The following SHISA9 variants were observed in gnomAD, a reference collection of about 807,000 sequenced individuals.
SHISA9 encodes shisa family member 9.
A neutral mutation model predicts 38.0 loss-of-function variants in SHISA9; 13 were observed. That is an observed-to-expected ratio of 0.34 (90% CI 0.22 to 0.54). SHISA9 has a LOEUF of 0.54. SHISA9 is among the 20% of genes least tolerant of loss of function. SHISA9 has a pLI of 0.91. For synonymous variants in SHISA9, 275 were observed against 242.0 expected (o/e 1.14, Z -1.27); for missense variants, 538 against 575.8 (o/e 0.93, Z 0.67).
chr16:13,012,959 T>C (rs557241323), intron 2 of SHISA9, among the ~76,000 whole-genome samples: 1 of 152,244 alleles, frequency 6.6e-6, no homozygotes, highest in East Asian at 1.9e-4. Context: ...AATTAGGCTA[T>C]TTTCGGCATC....
the SHISA9 span, among the ~76,000 whole-genome samples, chr16:13,556,165 A>G: frequency 5.3e-5 from 8 of 152,312 alleles, no homozygotes; most frequent in African/African-American, 1.9e-4. Context: ...ACCACACACC[A>G]TCAATCAGTT....
At chr16:13,251,361 A>G in the SHISA9 span, among the ~76,000 whole-genome samples, 1 of 152,158 alleles carries the variant, frequency 6.6e-6, no homozygotes, top group Non-Finnish European at 1.5e-5. Context: ...CATGACAACC[A>G]GCTATGCAGG....
chr16:13,328,235 G>C, the SHISA9 span, among the ~76,000 whole-genome samples: 1 of 152,164 alleles, frequency 6.6e-6, no homozygotes, highest in Admixed American at 6.5e-5. Context: ...AGAAAGGGAA[G>C]AAAACATAAC....
rs78215610 is a variant in SHISA9 at position 13,138,444 on chromosome 16, T to C, written c.692-64950T>C. Among the ~76,000 whole-genome samples, 1,103 of 152,320 alleles carry C rather than the reference T, an allele frequency of 7.2e-3. 11 individuals carry two copies. Among genetic ancestry groups the C allele is most frequent in the African/African-American group, 0.025 (1,025 of 41,562 alleles). On this transcript the variant is annotated intron_variant, in intron 2 of 4. Coordinates refer to ENST00000558583, the MANE Select transcript of SHISA9 (RefSeq NM_001145204.3). Reference sequence around the variant, plus strand: ...GGCTACTTTTTAGACCTTAAGCTTTTGATAACAGGGGCGGCATCTTCATCA... The same window carrying C: ...GGCTACTTTTTAGACCTTAAGCTTTCGATAACAGGGGCGGCATCTTCATCA...
intron 2 of SHISA9, among the ~76,000 whole-genome samples, chr16:13,006,160 C>T (rs776937234): frequency 2.0e-5 from 3 of 152,114 alleles, no homozygotes; most frequent in African/African-American, 4.8e-5. Flanking sequence ...CACATGTGAG[C>T]GTTTGCATGA....
At chr16:13,310,886 G>T in the SHISA9 span, among the ~76,000 whole-genome samples, 1 of 151,928 alleles carries the variant, frequency 6.6e-6, no homozygotes, top group African/African-American at 2.4e-5. Flanking sequence ...GTTTCATCCT[G>T]TTGGCCAGGA....
At chr16:13,298,908 A>C in the SHISA9 span, among the ~76,000 whole-genome samples, 1 of 152,166 alleles carries the variant, frequency 6.6e-6, no homozygotes, top group African/African-American at 2.4e-5. Context: ...CCTTCTGCAC[A>C]CAACTGGGTT....
At chr16:13,387,542 AGCAGTGGT>A in the SHISA9 span, among the ~76,000 whole-genome samples, 6 of 151,074 alleles carry the variant, frequency 4.0e-5, no homozygotes, top group East Asian at 3.9e-4. Flanking sequence ...CAGGCTGGAG[AGCAGTGGT>A]GCCATCTCAG....
the SHISA9 span, among the ~76,000 whole-genome samples, chr16:13,345,560 A>G: frequency 3.3e-5 from 5 of 152,202 alleles, no homozygotes; most frequent in Admixed American, 6.5e-5. Context: ...TAGTGCTTCA[A>G]TGAACATACA....
At chr16:13,552,244 C>A in the SHISA9 span, among the ~76,000 whole-genome samples, 1 of 152,194 alleles carries the variant, frequency 6.6e-6, no homozygotes, top group Non-Finnish European at 1.5e-5. Flanking sequence ...ATCTGCTCTC[C>A]TGAAATTCAT....
At chr16:13,215,219 G>T (rs1275961955) in intron 4 of SHISA9, among the ~76,000 whole-genome samples, 1 of 152,144 alleles carries the variant, frequency 6.6e-6, no homozygotes, top group Admixed American at 6.5e-5. Context: ...GCATCACTTG[G>T]AGGGTTGTTA....
At chr16:13,288,549 A>AT in the SHISA9 span, among the ~76,000 whole-genome samples, 1 of 152,204 alleles carries the variant, frequency 6.6e-6, no homozygotes, top group South Asian at 2.1e-4. Flanking sequence ...TAATCCCAGC[A>AT]TTTTGGGAGG....
the SHISA9 span, among the ~76,000 whole-genome samples, chr16:13,307,746 TAGAG>T: frequency 6.6e-6 from 1 of 152,200 alleles, no homozygotes; most frequent in Non-Finnish European, 1.5e-5. Context: ...ATGTGTTTAA[TAGAG>T]AGGAAATGAA....
the SHISA9 span, among the ~76,000 whole-genome samples, chr16:13,472,830 G>C: frequency 1.3e-5 from 2 of 151,956 alleles, no homozygotes; most frequent in African/African-American, 2.4e-5. Context: ...CTCTTACATT[G>C]TAGTTTTCAT....
chr16:13,068,878 T>A (rs2073467434), intron 2 of SHISA9, among the ~76,000 whole-genome samples: 1 of 143,718 alleles, frequency 7.0e-6, no homozygotes, highest in East Asian at 2.0e-4. Context: ...TGTGTATGTG[T>A]ATTCATGTGT....
chr16:13,381,649 G>A, the SHISA9 span, among the ~76,000 whole-genome samples: 21 of 151,956 alleles, frequency 1.4e-4, no homozygotes, highest in East Asian at 3.8e-4. Context: ...CTTTTTTAGC[G>A]CTAAATTCTC....
intron 2 of SHISA9, among the ~76,000 whole-genome samples, chr16:12,961,352 G>A (rs2071909673): frequency 6.6e-6 from 1 of 152,162 alleles, no homozygotes. Flanking sequence ...AGAGTCTGGT[G>A]TTTTTCTTGA....
At position 13,235,191 on chromosome 16, in the gene SHISA9, A is replaced by G. The variant is rs1033261359; in HGVS notation, c.1057A>G (p.Asn353Asp). Residue 353 changes from asparagine to aspartate, a missense_variant, in exon 5 of 5, where the codon AAC becomes GAC. Physicochemically the swap from Asn to Asp is conservative, Grantham distance 23. Around this residue, in one of 4 missense-constraint regions of SHISA9, gnomAD observed 326 missense variants for 305.9 expected, o/e 1.07. Transcript: ENST00000558583. ...AKQNGQKSRTNKMPPHPLAYT... is the reference protein window; with the variant it reads ...AKQNGQKSRTDKMPPHPLAYT... ...GCAGAATGGACAGAAGTCCCGCACC[A>G]ACAAGATGCCCCCACATCCCCTGGC... 1.3e-6 allele frequency: 2 copies of G among 1,551,764 alleles called. No homozygotes were observed. Among genetic ancestry groups the G allele is most frequent in the Non-Finnish European group, 1.7e-6 (2 of 1,146,984 alleles).
At chr16:13,343,022 A>G in the SHISA9 span, among the ~76,000 whole-genome samples, 1 of 152,270 alleles carries the variant, frequency 6.6e-6, no homozygotes, top group South Asian at 2.1e-4. Flanking sequence ...GAGTTAATAT[A>G]TGCAAAATGA....
Sources: gnomAD v4.1 joint callset for allele counts (sites outside exome capture counted in the v4.1 genomes callset) on GRCh38, gnomAD v4.1.1 for gene constraint, gnomAD v4.1.1 regional missense constraint, MANE v1.5 for transcripts, NCBI Gene and HGNC (gene_info 2026-07-23, HGNC 2026-07-21) for gene names.